Variants in TBC1D31 observed in about 807,000 individuals in gnomAD.
TBC1D31 encodes the protein TBC1 domain family member 31.
In TBC1D31, 99 loss-of-function variants were observed where a neutral mutation model predicts 132.9. That is an observed-to-expected ratio of 0.74 (90% confidence interval 0.63 to 0.88). The LOEUF is 0.88. Ranked by LOEUF, TBC1D31 falls within the 40% of genes least tolerant of loss-of-function variation. The pLI is 0.00. For synonymous variants in TBC1D31, 385 were observed against 419.4 expected (o/e 0.92, Z 1.00); for missense variants, 1,134 against 1,256.6 (o/e 0.90, Z 1.48).
At chr8:123,076,019 G>GA in intron 1 of TBC1D31, among the ~76,000 whole-genome samples, 1 of 152,118 alleles carries the variant, frequency 6.6e-6, no homozygotes, top group Non-Finnish European at 1.5e-5. Flanking sequence ...GTAGAAAGGG[G>GA]AAAAAAATTA....
At chr8:123,157,692 T>C in the TBC1D31 span, among the ~76,000 whole-genome samples, 1 of 147,894 alleles carries the variant, frequency 6.8e-6, no homozygotes, top group Admixed American at 6.8e-5. Context: ...TGCATAACGA[T>C]TGGAAAACAC....
At chr8:123,111,939 G>A (rs1301350499) in intron 10 of TBC1D31, among the ~76,000 whole-genome samples, 1 of 151,976 alleles carries the variant, frequency 6.6e-6, no homozygotes. Context: ...CTGTAACCTC[G>A]AACTCCTGGG....
chr8:123,083,887 A>T (rs1466831602), intron 3 of TBC1D31: 3 of 331,758 alleles, frequency 9.0e-6, no homozygotes, highest in Non-Finnish European at 1.6e-5. Flanking sequence ...AATTACCTGC[A>T]AGAGAAAGCC....
chr8:123,096,527 A>G (rs1816856689), intron 5 of TBC1D31, among the ~76,000 whole-genome samples: 1 of 152,100 alleles, frequency 6.6e-6, no homozygotes, highest in South Asian at 2.1e-4. Context: ...CTTATTTTAT[A>G]GTTCTATATA....
chr8:123,154,232 C>A (rs947058218), downstream of TBC1D31, among the ~76,000 whole-genome samples: 12 of 152,154 alleles, frequency 7.9e-5, no homozygotes, highest in African/African-American at 2.2e-4. Flanking sequence ...AGTCAGGAAG[C>A]AAACTACACA....
chr8:123,111,688 G>GT (rs958546655), intron 10 of TBC1D31, among the ~76,000 whole-genome samples: 20 of 151,496 alleles, frequency 1.3e-4, no homozygotes, highest in African/African-American at 4.9e-4. Flanking sequence ...TCACACAATG[G>GT]TTTTTAAGCT....
At chr8:123,126,333 A>G in intron 12 of TBC1D31, 144 bp downstream of exon 12, 1 of 1,247,974 alleles carries the variant, frequency 8.0e-7, no homozygotes, top group African/African-American at 1.5e-5. Flanking sequence ...CTTTTTCTTC[A>G]TTAAACTGCC....
At chr8:123,126,005 G>A in intron 11 of TBC1D31, 51 bp from the exon 12 acceptor site, 10 of 1,430,442 alleles carry the variant, frequency 7.0e-6, no homozygotes, top group Non-Finnish European at 9.3e-6. Flanking sequence ...AAAGAGTTTT[G>A]ATAACATGGA....
chr8:123,097,681 T>C, intron 6 of TBC1D31: 1 of 370,702 alleles, frequency 2.7e-6, no homozygotes, highest in Non-Finnish European at 4.8e-6. Flanking sequence ...TATTGTACTT[T>C]ATGGTTTGCA....
At chr8:123,101,081 T>C in intron 7 of TBC1D31, 74 bp downstream of exon 7, 1 of 1,140,064 alleles carries the variant, frequency 8.8e-7, no homozygotes, top group South Asian at 1.4e-5. Flanking sequence ...ATAAAATCTT[T>C]ATGCTACTAT....
Position 123,105,478 on chromosome 8 carries a change from G to T in TBC1D31, c.1209+14G>T, listed in dbSNP as rs750452955. 14 of 1,598,252 alleles carry T rather than the reference G, an allele frequency of 8.8e-6. No homozygotes were observed. The highest frequency in any genetic ancestry group is 1.1e-5 in the Non-Finnish European group (13 of 1,172,236). ...GAAAGTAAAAAGGTAAGAATATTTG[G>T]TAATTAAACTTTGTCATGATTCTGC... On this transcript the variant is annotated intron_variant, in intron 8 of 21. Coordinates refer to ENST00000287380, the MANE Select transcript of TBC1D31 (RefSeq NM_145647.4).
chr8:123,119,570 A>G (rs906181633), intron 10 of TBC1D31, among the ~76,000 whole-genome samples: 15 of 152,268 alleles, frequency 9.9e-5, no homozygotes, highest in Non-Finnish European at 1.9e-4. Flanking sequence ...TTAGCCAGGC[A>G]TAGTGGCATA....
At chr8:123,093,004 G>A (rs559787266) in intron 4 of TBC1D31, among the ~76,000 whole-genome samples, 2 of 151,828 alleles carry the variant, frequency 1.3e-5, no homozygotes, top group Non-Finnish European at 2.9e-5. Context: ...TAGAGACGAG[G>A]TTTCACCTTG....
At chr8:123,124,486 T>C (rs1404470154) in intron 11 of TBC1D31, among the ~76,000 whole-genome samples, 2 of 152,276 alleles carry the variant, frequency 1.3e-5, no homozygotes, top group East Asian at 3.9e-4. Context: ...CAGTAGGATA[T>C]CCTCTTGCTA....
At chr8:123,089,795 C>A (rs924392945) in intron 4 of TBC1D31, among the ~76,000 whole-genome samples, 2 of 152,210 alleles carry the variant, frequency 1.3e-5, no homozygotes, top group African/African-American at 4.8e-5. Flanking sequence ...TTAAATAACT[C>A]AGTGGCAAAA....
At chr8:123,113,549 G>T (rs1818636842) in intron 10 of TBC1D31, among the ~76,000 whole-genome samples, 1 of 152,120 alleles carries the variant, frequency 6.6e-6, no homozygotes, top group Non-Finnish European at 1.5e-5. Context: ...TTCTTGAGAT[G>T]TATTTTCCAA....
intron 4 of TBC1D31, among the ~76,000 whole-genome samples, chr8:123,088,556 AT>A (rs1816016587): frequency 6.6e-6 from 1 of 152,104 alleles, no homozygotes; most frequent in Admixed American, 6.6e-5. Flanking sequence ...TTTTTAAAAA[AT>A]TTTTTTCCCC....
Position 123,084,279 on chromosome 8 carries a change from A to G in TBC1D31, c.458A>G (p.Asp153Gly), listed in dbSNP as rs1170432886. 1.2e-6 allele frequency: 2 copies of G among 1,614,172 alleles called. No individual in the cohort carries two copies. Among genetic ancestry groups the G allele is most frequent in the South Asian group, 2.2e-5 (2 of 91,076 alleles). ...TCTTCTGATACAGCACAATTATGGG[A>G]CTTGGATACCTTTCAGAGAAAAAGA... ...TTSSDTAQLWDLDTFQRKRKL... is the reference protein window; with the variant it reads ...TTSSDTAQLWGLDTFQRKRKL... The change falls in exon 4 of 22, where the codon GAC (aspartate) becomes GGC (glycine). Residue 153 changes from aspartate (D) to glycine (G), a missense_variant. Coordinates refer to ENST00000287380, the MANE Select transcript of TBC1D31 (RefSeq NM_145647.4).
intron 11 of TBC1D31, among the ~76,000 whole-genome samples, chr8:123,123,921 G>T (rs892600965): frequency 4.6e-5 from 7 of 151,982 alleles, no homozygotes; most frequent in African/African-American, 1.7e-4. Flanking sequence ...ATTATAAATT[G>T]GCATGGAAAT....
Sources: gnomAD v4.1 joint callset for allele counts (sites outside exome capture counted in the v4.1 genomes callset) on GRCh38, gnomAD v4.1.1 for gene constraint, MANE v1.5 for transcripts, NCBI Gene and HGNC (gene_info 2026-07-23, HGNC 2026-07-21) for gene names.